FSIP1: variants seen among roughly 807,000 people sequenced by gnomAD.
FSIP1 encodes fibrous sheath interacting protein 1, also known as fibrous sheath-interacting protein 1.
A neutral mutation model predicts 60.9 loss-of-function variants in FSIP1; 65 were observed. That is an observed-to-expected ratio of 1.07 (90% CI 0.87 to 1.31). The LOEUF is 1.31. Among genes scored for constraint, FSIP1 ranks in the 40% most tolerant of loss-of-function variants. The pLI, the probability that FSIP1 is intolerant of heterozygous loss-of-function variation, is 0.00. For missense variants in FSIP1, 675 were observed against 665.5 expected, an observed-to-expected ratio of 1.01 and a Z score of -0.16; for synonymous variants, 209 against 221.2, an observed-to-expected ratio of 0.94 and a Z score of 0.49.
chr15:39,759,908 A>G (rs1431684083), intron 5 of FSIP1, among the ~76,000 whole-genome samples: 1 of 152,148 alleles, frequency 6.6e-6, no homozygotes, highest in East Asian at 1.9e-4. Context: ...CCAGGACTTA[A>G]TCACATCTGC....
At chr15:39,766,369 C>G (rs191588945) in intron 3 of FSIP1, among the ~76,000 whole-genome samples, 101 of 152,316 alleles carry the variant, frequency 6.6e-4, no homozygotes, top group African/African-American at 2.3e-3. Flanking sequence ...CTGTCATTAA[C>G]TTATGATTAA....
At chr15:39,605,044 A>G (rs144330234) in intron 11 of FSIP1, among the ~76,000 whole-genome samples, 8 of 152,354 alleles carry the variant, frequency 5.3e-5, no homozygotes, top group African/African-American at 1.9e-4. Context: ...CCAAAAGTCA[A>G]TCTGCCGGCA....
intron 8 of FSIP1, among the ~76,000 whole-genome samples, chr15:39,737,010 G>A (rs576297630): frequency 6.6e-6 from 1 of 152,254 alleles, no homozygotes; most frequent in South Asian, 2.1e-4. Flanking sequence ...GGGCGTGGAT[G>A]CACAGACCAG....
chr15:39,609,347 C>A (rs1454429476), intron 11 of FSIP1, among the ~76,000 whole-genome samples: 1 of 152,198 alleles, frequency 6.6e-6, no homozygotes. Context: ...CTTCCCCAGG[C>A]CAGGCAGCAA....
At chr15:39,698,008 AT>A (rs1318682602) in intron 10 of FSIP1, among the ~76,000 whole-genome samples, 3 of 151,820 alleles carry the variant, frequency 2.0e-5, no homozygotes, top group Admixed American at 6.6e-5. Flanking sequence ...AAAAAAAAAA[AT>A]AAACCAATGT....
chr15:39,612,415 GA>G (rs990086057), intron 11 of FSIP1, among the ~76,000 whole-genome samples: 7 of 151,786 alleles, frequency 4.6e-5, no homozygotes, highest in Admixed American at 6.6e-5. Flanking sequence ...TCAGAGGGGG[GA>G]AAAAAGGAAA....
chr15:39,604,912 T>C (rs1468541331), intron 11 of FSIP1, among the ~76,000 whole-genome samples: 1 of 152,166 alleles, frequency 6.6e-6, no homozygotes, highest in African/African-American at 2.4e-5. Flanking sequence ...TGCAAACCAG[T>C]AAGACTATAC....
rs1481428626 is a variant in FSIP1 at position 39,695,498 on chromosome 15, A to C, written c.1188+17946T>G. Among the ~76,000 whole-genome samples the C allele has an allele frequency of 2.6e-5, 4 of 152,146 alleles. No individual in the cohort carries two copies. In the East Asian group the frequency reaches 7.7e-4, roughly 29 times the overall value. ...TGAGTTATATTTATTTGTGTCCCCT[A>C]TATAATTTTAAATTCTTATGGACAC... On this transcript the variant is annotated intron_variant, in intron 10 of 11. Coordinates refer to ENST00000350221, the MANE Select transcript of FSIP1 (RefSeq NM_152597.5).
At chr15:39,767,478 C>T (rs1275157061) in intron 3 of FSIP1, among the ~76,000 whole-genome samples, 1 of 152,178 alleles carries the variant, frequency 6.6e-6, no homozygotes, top group East Asian at 1.9e-4. Flanking sequence ...GAGTCCCTGG[C>T]GAGGGCTCCA....
chr15:39,774,216 C>T (rs1383205360), intron 2 of FSIP1, among the ~76,000 whole-genome samples: 6 of 152,218 alleles, frequency 3.9e-5, no homozygotes, highest in African/African-American at 1.4e-4. Flanking sequence ...GACGCAGTGG[C>T]TCATGCCTGT....
At chr15:39,602,400 C>T (rs1431488803) in intron 11 of FSIP1, 2 of 455,118 alleles carry the variant, frequency 4.4e-6, no homozygotes, top group Admixed American at 4.7e-5. Context: ...AACTTCTGGC[C>T]TCCAAAACTG....
intron 5 of FSIP1, among the ~76,000 whole-genome samples, chr15:39,742,247 T>C (rs1306393057): frequency 1.3e-5 from 2 of 152,244 alleles, no homozygotes; most frequent in Non-Finnish European, 2.9e-5. Context: ...AGAATATGCA[T>C]ACTGAGTAAC....
chr15:39,617,973 G>A lies in FSIP1; in HGVS notation c.1461C>T (p.Ala487=), dbSNP rs147256576. 4.7e-4 allele frequency: 752 copies of A among 1,614,162 alleles called. 9 individuals are homozygous for A. The South Asian group carries it at 7.8e-3, about 17-fold the overall frequency. The change falls in exon 11 of 12, where the codon GCC becomes GCT. Residue 487 remains alanine, a synonymous_variant. Coordinates refer to ENST00000350221, the MANE Select transcript of FSIP1 (RefSeq NM_152597.5). ...CTTCTGACATGTTATGTCCAGTCAA[G>A]GCTTTAGTGAGATAGTAGCCTTTAG... is the stretch of plus-strand genomic sequence containing the variant. ...EASKGYYLTK[A]LTGHNMSEAL... is the part of the protein sequence containing the mutation.
chr15:39,768,784 A>G (rs1022067257), intron 3 of FSIP1, among the ~76,000 whole-genome samples: 1 of 152,262 alleles, frequency 6.6e-6, no homozygotes, highest in African/African-American at 2.4e-5. Context: ...GTTAACTGTT[A>G]AGTGAAACCT....
intron 9 of FSIP1, among the ~76,000 whole-genome samples, chr15:39,721,107 G>T (rs951852103): frequency 6.6e-6 from 1 of 152,178 alleles, no homozygotes; most frequent in African/African-American, 2.4e-5. Context: ...AGCCCATAAG[G>T]AAAAGAAGAC....
intron 8 of FSIP1, among the ~76,000 whole-genome samples, chr15:39,730,289 T>C (rs1005045910): frequency 3.3e-5 from 5 of 152,216 alleles, no homozygotes; most frequent in Non-Finnish European, 5.9e-5. Context: ...TAAATATGTT[T>C]ATGTGAAATT....
Position 39,770,568 on chromosome 15 carries a change from A to T in FSIP1, c.169T>A (p.Ser57Thr). 1 of 1,590,288 alleles carries T rather than the reference A, an allele frequency of 6.3e-7. No individual in the cohort carries two copies. The highest frequency in any genetic ancestry group is 8.5e-7 in the Non-Finnish European group (1 of 1,171,968). The change falls in exon 3 of 12, where the codon TCC (serine) becomes ACC (threonine). Residue 57 changes from serine (S) to threonine (T), a missense_variant. Ser to Thr is a moderately conservative substitution (Grantham distance 58). Transcript: ENST00000350221. Reference protein sequence around the residue: ...SNLNSGKEDHSESSNTENRRT... With the variant: ...SNLNSGKEDHTESSNTENRRT... ...CTGTTCTCTGTATTACTGCTTTCGG[A>T]GTGGTCCTCTTTACCAGAGTTCAAG...
chr15:39,698,750 T>C (rs1000738192), intron 10 of FSIP1, among the ~76,000 whole-genome samples: 2 of 152,182 alleles, frequency 1.3e-5, no homozygotes, highest in African/African-American at 4.8e-5. Context: ...CACACTAAAG[T>C]GCCACCACAA....
chr15:39,685,358 T>A (rs764579658), intron 10 of FSIP1, among the ~76,000 whole-genome samples: 59 of 152,182 alleles, frequency 3.9e-4, no homozygotes, highest in Non-Finnish European at 7.2e-4. Flanking sequence ...AAAACAAGAC[T>A]AGCAAAGTAA....
Sources: allele counts gnomAD v4.1 joint callset (sites outside exome capture counted in the v4.1 genomes callset), GRCh38; gene constraint gnomAD v4.1.1; transcripts MANE v1.5; gene names NCBI Gene and HGNC (gene_info 2026-07-23, HGNC 2026-07-21).